The following SATL1 variants were observed in gnomAD, a reference collection of about 807,000 sequenced individuals.
SATL1 encodes spermidine/spermine N(1)-acetyltransferase-like protein 1.
SATL1 carries 47 observed loss-of-function variants against 51.8 expected under a neutral mutation model. That is an observed-to-expected ratio of 0.91 (90% CI 0.72 to 1.16). SATL1 has a LOEUF of 1.16. Among genes scored for constraint, SATL1 ranks in the 50% most tolerant of loss-of-function variants. The pLI is 0.00. For missense variants in SATL1, 520 were observed against 526.4 expected (o/e 0.99, Z 0.12); for synonymous variants, 176 against 182.4 (o/e 0.97, Z 0.28).
intron 1 of SATL1, among the ~76,000 whole-genome samples, chrX:85,235,465 C>CA (rs199810662): frequency 0.24 from 26,007 of 109,251 alleles, 3,279 homozygotes; most frequent in African/African-American, 0.48. Flanking sequence ...TTAAGAAATT[C>CA]AAAAAAAATT....
intron 2 of SATL1, among the ~76,000 whole-genome samples, chrX:85,200,437 C>T (rs920311973): frequency 1.8e-5 from 2 of 112,186 alleles, no homozygotes; most frequent in Admixed American, 9.5e-5. Context: ...ATTTAGCATT[C>T]GTAACAGAAA....
intron 2 of SATL1, among the ~76,000 whole-genome samples, chrX:85,151,576 G>T (rs993027882): frequency 1.8e-5 from 2 of 111,255 alleles, no homozygotes; most frequent in Non-Finnish European, 3.8e-5. Context: ...ATACTACAAG[G>T]CTACAGTAAC....
At chrX:85,208,543 C>T (rs960148495) in intron 2 of SATL1, among the ~76,000 whole-genome samples, 23 of 111,608 alleles carry the variant, frequency 2.1e-4, no homozygotes, top group East Asian at 1.1e-3. Context: ...CCTATTTCTC[C>T]GCATCCTCTC....
At chrX:85,184,458 T>C (rs183748179) in intron 2 of SATL1, among the ~76,000 whole-genome samples, 29 of 111,797 alleles carry the variant, frequency 2.6e-4, no homozygotes, top group African/African-American at 9.1e-4. Context: ...GGCTAGTAAC[T>C]CTTAGATTTG....
intron 4 of SATL1, among the ~76,000 whole-genome samples, chrX:85,103,196 GC>G (rs1032568079): frequency 9.0e-6 from 1 of 111,231 alleles, no homozygotes; most frequent in African/African-American, 3.3e-5. Context: ...GTTTGTTAGG[GC>G]ATGGCGCAAA....
intron 2 of SATL1, among the ~76,000 whole-genome samples, chrX:85,167,953 T>A (rs1450334659): frequency 9.1e-6 from 1 of 110,385 alleles, no homozygotes; most frequent in Non-Finnish European, 1.9e-5. Flanking sequence ...GCTTTATCCC[T>A]GGGATGCAAG....
intron 2 of SATL1, chrX:85,116,171 C>T (rs1925378867): frequency 9.0e-6 from 1 of 111,623 alleles, no homozygotes; most frequent in Admixed American, 9.5e-5. Context: ...ATATCCCAGT[C>T]GCATGGCATC....
At chrX:85,097,468 G>C (rs749241001) in intron 4 of SATL1, among the ~76,000 whole-genome samples, 3 of 112,091 alleles carry the variant, frequency 2.7e-5, no homozygotes, top group Non-Finnish European at 5.6e-5. Flanking sequence ...CTCCCATGTA[G>C]CTGGGACTAC....
chrX:85,145,715 A>G (rs1926218651), intron 2 of SATL1, among the ~76,000 whole-genome samples: 1 of 110,828 alleles, frequency 9.0e-6, no homozygotes, highest in Non-Finnish European at 1.9e-5. Flanking sequence ...GAAAGATTAT[A>G]GTAATCACCT....
chrX:85,095,825 C>CAAAAA (rs144271899), intron 4 of SATL1, among the ~76,000 whole-genome samples: 3 of 32,748 alleles, frequency 9.2e-5, no homozygotes, highest in African/African-American at 2.7e-4. Context: ...GACTCCGTCT[C>CAAAAA]AAAAAAAAAA....
At position 85,093,076 on chromosome X, in the gene SATL1, T is replaced by C. The variant is rs1034382307; in HGVS notation, c.1917+109A>G. On this transcript the variant is annotated intron_variant, in intron 7 of 7. Transcript: ENST00000644105. Reference sequence around the variant, plus strand: ...AATTTGGGTAGAAATTTGAAGTATATGTTGGGGTTATGTTCAAATGGTGAG... The same window carrying C: ...AATTTGGGTAGAAATTTGAAGTATACGTTGGGGTTATGTTCAAATGGTGAG... The C allele has an allele frequency of 1.6e-5, 12 of 741,085 alleles. No homozygotes were observed. In the Admixed American group the frequency reaches 2.7e-4, roughly 17 times the overall value. 61.1% of individuals were successfully genotyped at this position (741,085 alleles called of 1,213,427 possible).
chrX:85,163,469 T>C (rs1926767438), intron 2 of SATL1, among the ~76,000 whole-genome samples: 1 of 111,287 alleles, frequency 9.0e-6, no homozygotes, highest in South Asian at 3.7e-4. Context: ...GTGTCATTAT[T>C]ATCGTGAAGT....
At chrX:85,126,582 C>G (rs1925630250) in intron 2 of SATL1, among the ~76,000 whole-genome samples, 1 of 111,238 alleles carries the variant, frequency 9.0e-6, no homozygotes, top group Non-Finnish European at 1.9e-5. Context: ...TACTCTAGCC[C>G]TACTGATCTT....
chrX:85,133,180 C>T (rs367547462), intron 2 of SATL1, among the ~76,000 whole-genome samples: 52 of 112,438 alleles, frequency 4.6e-4, no homozygotes, highest in East Asian at 3.1e-3. Context: ...AGAACCACTA[C>T]GCTCTTCAGA....
Position 85,108,251 on chromosome X carries a change from G to T in SATL1, c.718C>A (p.Gln240Lys). The T allele has an allele frequency of 3.3e-6, 4 of 1,211,547 alleles. No homozygotes were observed. Among genetic ancestry groups the T allele is most frequent in the Non-Finnish European group, 4.5e-6 (4 of 895,344 alleles). The stretch of plus-strand genomic sequence containing the variant: ...GCGTCTGGTTGGCTCATGTCTGTTT[G>T]GTTCTTACATGATTGGCTAGTGTCT... ...QPDTSQSCKN[Q>K]TDMSQPDANQ... The change falls in exon 3 of 8, where the codon CAA (glutamine) becomes AAA (lysine). Residue 240 changes from glutamine to lysine, a missense_variant. Physicochemically the swap from Gln to Lys is moderately conservative, Grantham distance 53 (BLOSUM62 1). This residue lies in a region of SATL1 where 488 missense variants were observed against 474.3 expected (regional missense o/e 1.03). Coordinates refer to ENST00000644105, the MANE Select transcript of SATL1 (RefSeq NM_001367857.2).
chrX:85,124,571 T>C (rs1464579676), intron 2 of SATL1, among the ~76,000 whole-genome samples: 1 of 111,485 alleles, frequency 9.0e-6, no homozygotes, highest in Admixed American at 9.6e-5. Flanking sequence ...AGCACCCATA[T>C]GTTGTGAAGC....
chrX:85,149,393 T>C (rs1033432421), intron 2 of SATL1, among the ~76,000 whole-genome samples: 78 of 111,287 alleles, frequency 7.0e-4, no homozygotes, highest in Admixed American at 2.9e-4. Flanking sequence ...ACTGTCAACA[T>C]TAGACAGATC....
In SATL1 at chrX:85,092,516, TGAC is replaced by T. The variant is rs1924553029; in HGVS notation, c.1960_1962del (p.Val654del). ...TAGTTGATAGAAGCCTGGTTCCAAA[TGAC>T]GACAAGAAAGTGCATGCAGTTACAT... On this transcript the variant is annotated inframe_deletion, in exon 8 of 8. Coordinates refer to ENST00000644105, the MANE Select transcript of SATL1 (RefSeq NM_001367857.2). 1 of 1,210,818 alleles carries T rather than the reference TGAC, an allele frequency of 8.3e-7. No individual in the cohort carries two copies. The highest frequency in any genetic ancestry group is 1.1e-6 in the Non-Finnish European group (1 of 894,818).
At chrX:85,194,870 T>A (rs1183939390) in intron 2 of SATL1, among the ~76,000 whole-genome samples, 1 of 62,061 alleles carries the variant, frequency 1.6e-5, no homozygotes, top group Admixed American at 2.3e-4. Flanking sequence ...CTGGGGTCTA[T>A]CGGGGGGTGG....
Sources: gnomAD v4.1 joint callset for allele counts (sites outside exome capture counted in the v4.1 genomes callset) on GRCh38, gnomAD v4.1.1 for gene constraint, gnomAD v4.1.1 regional missense constraint, MANE v1.5 for transcripts, NCBI Gene and HGNC (gene_info 2026-07-23, HGNC 2026-07-21) for gene names.